The following OPCML variants were observed in gnomAD, a reference collection of about 807,000 sequenced individuals.
OPCML encodes the protein opioid binding protein/cell adhesion molecule like, also known as opioid-binding protein/cell adhesion molecule.
OPCML carries 13 observed loss-of-function variants against 37.8 expected under a neutral mutation model. The ratio of observed to expected loss-of-function variants is 0.34; its 90% CI spans 0.22 to 0.55. The LOEUF is 0.55. OPCML is among the 20% of genes least tolerant of loss of function. The pLI is 0.91. For synonymous variants in OPCML, 176 were observed against 168.8 expected, an observed-to-expected ratio of 1.04 and a Z score of -0.33; for missense variants, 341 against 435.6, an observed-to-expected ratio of 0.78 and a Z score of 1.93.
At chr11:132,588,760 C>T (rs1182420868) in intron 3 of OPCML, among the ~76,000 whole-genome samples, 1 of 152,148 alleles carries the variant, frequency 6.6e-6, no homozygotes, top group African/African-American at 2.4e-5. Context: ...AAAGTCTCAC[C>T]AGGGATTGGC....
At chr11:132,635,789 T>G (rs1416334500) in intron 3 of OPCML, among the ~76,000 whole-genome samples, 1 of 152,178 alleles carries the variant, frequency 6.6e-6, no homozygotes, top group Admixed American at 6.5e-5. Context: ...CCCACTGCCC[T>G]TGGAAGACAA....
chr11:133,404,790 G>T (rs1040457426), intron 1 of OPCML, among the ~76,000 whole-genome samples: 2 of 152,172 alleles, frequency 1.3e-5, no homozygotes, highest in African/African-American at 4.8e-5. Flanking sequence ...ACTAATTTTT[G>T]AAGATACACA....
At chr11:132,477,106 G>C (rs1207929902) in intron 4 of OPCML, among the ~76,000 whole-genome samples, 1 of 152,160 alleles carries the variant, frequency 6.6e-6, no homozygotes, top group Non-Finnish European at 1.5e-5. Flanking sequence ...GTGGTTCCCA[G>C]GTTTCCCAGG....
rs1348288328 is a variant in OPCML at position 133,174,641 on chromosome 11, A to G, written c.62-231631T>C. 3.8e-4 allele frequency among the ~76,000 whole-genome samples: 23 copies of G among 61,216 alleles called. No homozygotes were observed. Among genetic ancestry groups the G allele is most frequent in the African/African-American group, 3.4e-4 (5 of 14,638 alleles). 40.2% of individuals were successfully genotyped at this position (61,216 alleles called of 152,430 possible). ...ATGCTCATGGAATGCTGTTTAGTGAAAAAAAAAAAAAAAAAAAGCAGGGGG... is the reference window on the plus strand; with the variant it reads ...ATGCTCATGGAATGCTGTTTAGTGAGAAAAAAAAAAAAAAAAAGCAGGGGG... On this transcript the variant is annotated intron_variant, in intron 1 of 7. Coordinates refer to ENST00000524381, the MANE Select transcript of OPCML (RefSeq NM_001012393.5). This position sits in a 1 kb window ranked among gnomAD's most constrained non-coding sequence, Gnocchi z 4.6.
In OPCML at chr11:133,009,788, G is replaced by A. The variant is rs1395499; in HGVS notation, c.62-66778C>T. On this transcript the variant is annotated intron_variant, in intron 1 of 7. Coordinates refer to ENST00000524381, the MANE Select transcript of OPCML (RefSeq NM_001012393.5). ...CCTCTGATCTGACAGGAGATGGGGC[G>A]CAGGCGGTAATGCTCACTGCTGGCC... is the stretch of plus-strand genomic sequence containing the variant. Among the ~76,000 whole-genome samples, 9 of 152,160 alleles carry A rather than the reference G, an allele frequency of 5.9e-5. No homozygotes were observed. The South Asian group carries it at 1.9e-3, about 32-fold the overall frequency.
At chr11:133,517,721 A>AT (rs1948312716) in intron 1 of OPCML, among the ~76,000 whole-genome samples, 4 of 152,344 alleles carry the variant, frequency 2.6e-5, no homozygotes, top group African/African-American at 9.6e-5. Context: ...CAGGCCACAG[A>AT]GCTGAATGGA....
At chr11:133,012,281 G>A (rs933872501) in intron 1 of OPCML, among the ~76,000 whole-genome samples, 1 of 152,108 alleles carries the variant, frequency 6.6e-6, no homozygotes, top group African/African-American at 2.4e-5. Flanking sequence ...GGAAAACCTG[G>A]CGTAGACAAG....
intron 1 of OPCML, among the ~76,000 whole-genome samples, chr11:133,019,652 T>C (rs769405946): frequency 1.3e-5 from 2 of 152,176 alleles, no homozygotes; most frequent in Non-Finnish European, 2.9e-5. Context: ...ACAACATCTA[T>C]CTTCATCAAC....
chr11:133,235,846 G>T (rs1179962155), intron 1 of OPCML, among the ~76,000 whole-genome samples: 1 of 152,194 alleles, frequency 6.6e-6, no homozygotes, highest in Non-Finnish European at 1.5e-5. Flanking sequence ...CAGACAAGAA[G>T]TTGACTGCTC....
chr11:132,565,527 A>T (rs2096420553), intron 3 of OPCML, among the ~76,000 whole-genome samples: 1 of 152,146 alleles, frequency 6.6e-6, no homozygotes, highest in South Asian at 2.1e-4. Context: ...TCAGGCCCTT[A>T]TGTGGACTCA....
intron 1 of OPCML, among the ~76,000 whole-genome samples, chr11:133,282,427 G>A (rs951736529): frequency 2.6e-5 from 4 of 152,234 alleles, no homozygotes; most frequent in Admixed American, 2.6e-4. Context: ...CAGGCTCACA[G>A]AATGCAAGCA....
chr11:133,217,189 T>A (rs929088375), intron 1 of OPCML, among the ~76,000 whole-genome samples: 22 of 152,188 alleles, frequency 1.4e-4, no homozygotes, highest in African/African-American at 5.1e-4. Flanking sequence ...TCTCTCTTTT[T>A]TCTGGTCAAC....
chr11:133,083,805 AG>A (rs1948778121), intron 1 of OPCML, among the ~76,000 whole-genome samples: 1 of 152,246 alleles, frequency 6.6e-6, no homozygotes, highest in Non-Finnish European at 1.5e-5. Context: ...GCGCGAGGAC[AG>A]GAAGGATTCG....
chr11:132,653,645 T>C (rs957128362), intron 3 of OPCML, among the ~76,000 whole-genome samples: 1 of 152,182 alleles, frequency 6.6e-6, no homozygotes, highest in Admixed American at 6.5e-5. Flanking sequence ...ATTTGGAAAT[T>C]AGTTCCATCA....
At chr11:133,207,174 C>T (rs1002977637) in intron 1 of OPCML, among the ~76,000 whole-genome samples, 1 of 151,226 alleles carries the variant, frequency 6.6e-6, no homozygotes, top group African/African-American at 2.4e-5. Context: ...GTGGCGGGCA[C>T]CTGTTGTCCC....
chr11:133,137,323 T>C (rs1309597516), intron 1 of OPCML, among the ~76,000 whole-genome samples: 1 of 152,252 alleles, frequency 6.6e-6, no homozygotes, highest in Non-Finnish European at 1.5e-5. Context: ...TATTTGCTTA[T>C]TTATATTTTA....
At chr11:133,011,022 G>C (rs888425348) in intron 1 of OPCML, among the ~76,000 whole-genome samples, 1 of 152,206 alleles carries the variant, frequency 6.6e-6, no homozygotes, top group Admixed American at 6.5e-5. Flanking sequence ...TTTTTAGAAA[G>C]ATGTAGGTAA....
chr11:133,395,545 C>T (rs1054881092), intron 1 of OPCML, among the ~76,000 whole-genome samples: 1 of 152,076 alleles, frequency 6.6e-6, no homozygotes, highest in Admixed American at 6.5e-5. Context: ...AGATTTAAGT[C>T]TTTAATCTAT....
At chr11:133,385,000 G>A (rs902850443) in intron 1 of OPCML, among the ~76,000 whole-genome samples, 1 of 152,236 alleles carries the variant, frequency 6.6e-6, no homozygotes, top group South Asian at 2.1e-4. Flanking sequence ...CCGCCTCTGG[G>A]TGCCACACCC....
Sources: gnomAD v4.1 joint callset for allele counts (sites outside exome capture counted in the v4.1 genomes callset) on GRCh38, gnomAD v4.1.1 for gene constraint, Gnocchi (gnomAD v3.1) non-coding constraint, MANE v1.5 for transcripts, NCBI Gene and HGNC (gene_info 2026-07-23, HGNC 2026-07-21) for gene names.